Variants in LPP observed in about 807,000 individuals in gnomAD.
LPP encodes the protein LIM domain containing preferred translocation partner in lipoma, also known as lipoma-preferred partner.
In LPP, 38 loss-of-function variants were observed where a neutral mutation model predicts 60.4. That is an observed-to-expected ratio of 0.63 (90% CI 0.49 to 0.83). LPP has a LOEUF of 0.83. LPP is among the 40% of genes least tolerant of loss of function. LPP has a pLI of 0.00. For missense variants in LPP, 902 were observed against 783.6 expected, an observed-to-expected ratio of 1.15 and a Z score of -1.80; for synonymous variants, 328 against 290.8, an observed-to-expected ratio of 1.13 and a Z score of -1.30.
intron 8 of LPP, chr3:188,725,239 C>T (rs1448423490): frequency 6.6e-6 from 1 of 152,266 alleles, no homozygotes; most frequent in Non-Finnish European, 1.5e-5. Context: ...CTGCTGTGTT[C>T]TACCTCTCTG....
At chr3:188,444,211 T>C (rs1214834173) in intron 4 of LPP, among the ~76,000 whole-genome samples, 1 of 151,214 alleles carries the variant, frequency 6.6e-6, no homozygotes, top group East Asian at 1.9e-4. Flanking sequence ...CTACACAGCA[T>C]TGATATGGTG....
At chr3:188,840,044 A>T (rs1269331151) in intron 9 of LPP, among the ~76,000 whole-genome samples, 1 of 152,172 alleles carries the variant, frequency 6.6e-6, no homozygotes, top group Non-Finnish European at 1.5e-5. Context: ...GTATTATTCC[A>T]GTCTTACCTC....
At chr3:188,314,874 T>C (rs928303694) in intron 2 of LPP, among the ~76,000 whole-genome samples, 3 of 152,164 alleles carry the variant, frequency 2.0e-5, no homozygotes, top group African/African-American at 7.2e-5. Flanking sequence ...TTTGAAATAG[T>C]TTGATAACAT....
chr3:188,878,759 T>TAAAAAAAAAAAAAAAAAAAAAAAAAGAA lies in LPP; in HGVS notation c.*4296_*4297insAAAAAAAAAGAAAAAAAAAAAAAAAAAA, dbSNP rs11448997. ...ATATACTCACCAAAAAGTAAAAAAG[T>TAAAAAAAAAAAAAAAAAAAAAAAAAGAA]AAAAAAAAAAAAAAAAGAAAGAAAG... On this transcript the variant is annotated 3_prime_UTR_variant, in exon 12 of 12. Transcript: ENST00000617246. The TAAAAAAAAAAAAAAAAAAAAAAAAAGAA allele has an allele frequency of 6.5e-6, 1 of 153,948 alleles. No individual in the cohort carries two copies. Among genetic ancestry groups the TAAAAAAAAAAAAAAAAAAAAAAAAAGAA allele is most frequent in the African/African-American group, 2.9e-5 (1 of 34,836 alleles). 9.5% of individuals were successfully genotyped at this position (153,948 alleles called of 1,614,324 possible).
intron 7 of LPP, among the ~76,000 whole-genome samples, chr3:188,625,737 A>G (rs764890829): frequency 1.3e-5 from 2 of 152,176 alleles, no homozygotes; most frequent in Non-Finnish European, 2.9e-5. Flanking sequence ...ACTGAATAAG[A>G]GACCTGGACT....
At chr3:188,580,832 C>T (rs995782723) in intron 6 of LPP, among the ~76,000 whole-genome samples, 1 of 152,124 alleles carries the variant, frequency 6.6e-6, no homozygotes, top group Admixed American at 6.5e-5. Context: ...AATCTAACAT[C>T]TACAGATTAG....
At chr3:188,753,513 C>G (rs1041695388) in intron 8 of LPP, among the ~76,000 whole-genome samples, 1 of 151,686 alleles carries the variant, frequency 6.6e-6, no homozygotes, top group Non-Finnish European at 1.5e-5. Flanking sequence ...GTTTGCTGCC[C>G]AGGCCTTTAT....
intron 4 of LPP, among the ~76,000 whole-genome samples, chr3:188,407,917 A>G (rs111614229): frequency 1.4e-3 from 217 of 150,452 alleles, no homozygotes; most frequent in African/African-American, 4.9e-3. Flanking sequence ...AGCCTCCCGT[A>G]TAGCTGGATT....
chr3:188,742,261 A>G (rs183977229), intron 8 of LPP, among the ~76,000 whole-genome samples: 5 of 152,238 alleles, frequency 3.3e-5, no homozygotes, highest in Admixed American at 1.3e-4. Flanking sequence ...AAACGTGTTC[A>G]ACATATGACC....
At chr3:188,642,721 G>A (rs1162297335) in intron 7 of LPP, among the ~76,000 whole-genome samples, 1 of 152,164 alleles carries the variant, frequency 6.6e-6, no homozygotes, top group Non-Finnish European at 1.5e-5. Flanking sequence ...CAGATCACCT[G>A]AGGTCGGGAG....
rs762770149 is a variant in LPP, at chr3:188,872,693, C to T, written c.1640C>T (p.Pro547Leu). The T allele has an allele frequency of 2.3e-5, 37 of 1,614,030 alleles. No individual in the cohort carries two copies. The highest frequency in any genetic ancestry group is 1.1e-5 in the South Asian group (1 of 91,082). Reference sequence around the variant, plus strand: ...TGCAAGGAGCCTATTATGCCAGCCCCGGGCCAGGAGGAGACTGTCCGTATT... The same window carrying T: ...TGCAAGGAGCCTATTATGCCAGCCCTGGGCCAGGAGGAGACTGTCCGTATT... ...SVCKEPIMPA[P>L]GQEETVRIVA... Residue 547 changes from proline (P) to leucine (L), a missense_variant, in exon 11 of 12, where the codon CCG becomes CTG. Transcript: ENST00000617246.
chr3:188,551,349 C>G (rs1022224350), intron 6 of LPP, among the ~76,000 whole-genome samples: 13 of 152,232 alleles, frequency 8.5e-5, no homozygotes, highest in African/African-American at 2.9e-4. Flanking sequence ...AAATTATCTC[C>G]CACTGGGTCT....
intron 4 of LPP, among the ~76,000 whole-genome samples, chr3:188,451,181 T>C (rs1189147229): frequency 6.6e-6 from 1 of 152,184 alleles, no homozygotes; most frequent in Non-Finnish European, 1.5e-5. Flanking sequence ...TTTTTGCTAA[T>C]ATGATGGGTA....
chr3:188,790,879 G>A (rs1223167495), intron 9 of LPP, among the ~76,000 whole-genome samples: 4 of 151,562 alleles, frequency 2.6e-5, no homozygotes, highest in East Asian at 1.9e-4. Context: ...TCTAGGTAGC[G>A]ATGGTGCTTT....
chr3:188,814,933 A>G (rs1236353686), intron 9 of LPP, among the ~76,000 whole-genome samples: 1 of 152,232 alleles, frequency 6.6e-6, no homozygotes, highest in Non-Finnish European at 1.5e-5. Context: ...TCCAAGACTC[A>G]GTGAATGCTC....
intron 7 of LPP, among the ~76,000 whole-genome samples, chr3:188,631,603 C>A (rs949159641): frequency 2.0e-5 from 3 of 152,162 alleles, no homozygotes; most frequent in African/African-American, 7.2e-5. Flanking sequence ...GGTTGAATTT[C>A]CAGCAGACTC....
At chr3:188,868,668 G>C (rs985441922) in intron 10 of LPP, among the ~76,000 whole-genome samples, 1 of 152,202 alleles carries the variant, frequency 6.6e-6, no homozygotes, top group Non-Finnish European at 1.5e-5. Flanking sequence ...TAAAAGTCCA[G>C]CATAGGCTAA....
chr3:188,766,196 C>T (rs1168589607), intron 9 of LPP, among the ~76,000 whole-genome samples: 2 of 151,700 alleles, frequency 1.3e-5, no homozygotes, highest in African/African-American at 4.8e-5. Flanking sequence ...ACGTGAAGAT[C>T]CTAAAAGCCC....
At chr3:188,803,211 T>C (rs916513807) in intron 9 of LPP, among the ~76,000 whole-genome samples, 6 of 152,114 alleles carry the variant, frequency 3.9e-5, no homozygotes, top group African/African-American at 1.4e-4. Context: ...CAGAGAGCAA[T>C]TTTTAAAATT....
Sources: allele counts gnomAD v4.1 joint callset (sites outside exome capture counted in the v4.1 genomes callset), GRCh38; gene constraint gnomAD v4.1.1; transcripts MANE v1.5; gene names NCBI Gene and HGNC (gene_info 2026-07-23, HGNC 2026-07-21).